The following SAP18 variants were observed in gnomAD, a reference collection of about 807,000 sequenced individuals.
SAP18 encodes histone deacetylase complex subunit SAP18.
In SAP18, 4 loss-of-function variants were observed where a neutral mutation model predicts 18.6. That is an observed-to-expected ratio of 0.21 (90% CI 0.11 to 0.49). The LOEUF is 0.49. Ranked by LOEUF, SAP18 falls within the 20% of genes least tolerant of loss-of-function variation. The pLI, the probability that SAP18 is intolerant of heterozygous loss-of-function variation, is 0.98. For synonymous variants in SAP18, 112 were observed against 82.8 expected, an observed-to-expected ratio of 1.35 and a Z score of -1.92; for missense variants, 170 against 226.4, an observed-to-expected ratio of 0.75 and a Z score of 1.60.
intron 2 of SAP18, 109 bp from the exon 3 acceptor site, chr13:21,146,696 A>G (rs1318524346): frequency 1.2e-6 from 1 of 859,484 alleles, no homozygotes. Flanking sequence ...GGCAGTTTCT[A>G]ATGTAAATCA....
intron 2 of SAP18, among the ~76,000 whole-genome samples, chr13:21,141,928 A>T (rs1449653442): frequency 6.6e-6 from 1 of 151,214 alleles, no homozygotes; most frequent in Non-Finnish European, 1.5e-5. Context: ...CAGCCTCCCA[A>T]AGTGCTGGGA....
Position 21,140,574 on chromosome 13 carries a change from G to A in SAP18, c.22G>A (p.Gly8Ser), listed in dbSNP as rs751622316. 8.7e-6 allele frequency: 14 copies of A among 1,603,702 alleles called. No homozygotes were observed. Among genetic ancestry groups the A allele is most frequent in the East Asian group, 4.5e-5 (2 of 44,134 alleles). The change falls in exon 1 of 4, where the codon GGT becomes AGT. Residue 8 changes from glycine (G) to serine (S), a missense_variant. Transcript: ENST00000621421. ...GCTCATGCTCGCTGCAGGGGTCGGA[G>A]GTCAGGGCGAGCGTCTCGCAGGCCG...
chr13:21,140,536 C>T (rs1313788363), exon 1 of SAP18: 40 of 1,569,510 alleles, frequency 2.5e-5, no homozygotes, highest in Non-Finnish European at 2.2e-5. Flanking sequence ...CTTCTCCTCG[C>T]GAGAGACTTA....
At position 21,146,930 on chromosome 13, in the gene SAP18, A is replaced by T. The variant is rs751229115; in HGVS notation, c.362+3A>T. 3.7e-6 allele frequency: 6 copies of T among 1,602,412 alleles called. No homozygotes were observed. The South Asian group carries it at 6.7e-5, about 18-fold the overall frequency. On this transcript the variant is annotated splice_donor_region_variant and intron_variant, in intron 3 of 3. Transcript: ENST00000621421. ...GATGTTAAAAGACCTGGCTATCGGT[A>T]GGTAACTTCTCATTTTTAAGTCCTG... is the stretch of plus-strand genomic sequence containing the variant.
At chr13:21,141,866 C>T (rs1414325522) in intron 2 of SAP18, among the ~76,000 whole-genome samples, 1 of 151,576 alleles carries the variant, frequency 6.6e-6, no homozygotes, top group Non-Finnish European at 1.5e-5. Flanking sequence ...GGGGTTTCAC[C>T]GTATTGACCA....
At chr13:21,143,310 A>G (rs1869535019) in intron 2 of SAP18, among the ~76,000 whole-genome samples, 1 of 152,184 alleles carries the variant, frequency 6.6e-6, no homozygotes, top group Non-Finnish European at 1.5e-5. Context: ...CAGCTGCACT[A>G]TTTTATATTC....
chr13:21,140,625 C>A (rs777404407), exon 1 of SAP18: 1 of 1,612,474 alleles, frequency 6.2e-7, no homozygotes, highest in Non-Finnish European at 8.5e-7. Context: ...GGTGGAGTCG[C>A]GCGTTACCCA....
At chr13:21,146,145 G>A (rs981943231) in intron 2 of SAP18, among the ~76,000 whole-genome samples, 8 of 152,244 alleles carry the variant, frequency 5.3e-5, no homozygotes, top group African/African-American at 1.4e-4. Context: ...TCAGGAGTTC[G>A]AGACCAGCAT....
At chr13:21,143,247 G>A (rs890016225) in intron 2 of SAP18, among the ~76,000 whole-genome samples, 1 of 152,140 alleles carries the variant, frequency 6.6e-6, no homozygotes, top group African/African-American at 2.4e-5. Flanking sequence ...GGGATTACTG[G>A]GTCATATGTT....
chr13:21,141,238 A>G (rs1002673382), intron 2 of SAP18: 26 of 551,410 alleles, frequency 4.7e-5, no homozygotes, highest in African/African-American at 4.2e-4. Flanking sequence ...CAGACCCAAG[A>G]TTGCTGTCAC....
At chr13:21,141,018 A>T (rs377680306) in intron 2 of SAP18, 23 bp downstream of exon 2, 8 of 1,502,558 alleles carry the variant, frequency 5.3e-6, no homozygotes, top group Non-Finnish European at 7.4e-6. Context: ...GGGTGGCCTC[A>T]GGGACCCGGG....
chr13:21,140,948 G>A, exon 2 of SAP18: 1 of 1,613,892 alleles, frequency 6.2e-7, no homozygotes. Context: ...GAATGGACGA[G>A]TTCTCCCGGG....
intron 2 of SAP18, chr13:21,141,588 C>T (rs2137335282): frequency 6.4e-6 from 1 of 155,914 alleles, no homozygotes; most frequent in Middle Eastern, 3.4e-3. Context: ...TTTAGCGCTG[C>T]ACATAACTCC....
exon 4 of SAP18, chr13:21,148,899 T>TTA (rs1869749608): frequency 6.6e-6 from 1 of 152,210 alleles, no homozygotes; most frequent in Non-Finnish European, 1.5e-5. Flanking sequence ...AATTTCTCCT[T>TTA]TAAAGATTTC....
At chr13:21,141,033 G>C in intron 2 of SAP18, 38 bp downstream of exon 2, 1 of 1,289,332 alleles carries the variant, frequency 7.8e-7, no homozygotes, top group Non-Finnish European at 1.1e-6. Context: ...CCCGGGCCGG[G>C]AACCTGGAAC....
At chr13:21,142,930 C>G (rs953031209) in intron 2 of SAP18, among the ~76,000 whole-genome samples, 3 of 152,166 alleles carry the variant, frequency 2.0e-5, no homozygotes, top group African/African-American at 7.2e-5. Context: ...CTGGTAGCCT[C>G]TAATGTATTA....
chr13:21,148,782 T>C (rs1168333317), exon 4 of SAP18: 1 of 152,204 alleles, frequency 6.6e-6, no homozygotes, highest in Non-Finnish European at 1.5e-5. Flanking sequence ...GGGAACCCTA[T>C]GATTTACTAT....
intron 2 of SAP18, among the ~76,000 whole-genome samples, chr13:21,142,248 C>G (rs1431688651): frequency 6.6e-6 from 1 of 150,624 alleles, no homozygotes; most frequent in Non-Finnish European, 1.5e-5. Context: ...GATTGTGCCA[C>G]TGTACTCCAG....
chr13:21,142,401 A>C lies in SAP18; in HGVS notation c.239+1406A>C, dbSNP rs185060785. On this transcript the variant is annotated intron_variant, in intron 2 of 3. Transcript: ENST00000621421. ...GAGTGCAGTGGCGTGATCTCAGCTC[A>C]CTGCAACCTCTGCCTCCCAGGTTCA... Among the ~76,000 whole-genome samples the C allele has an allele frequency of 2.8e-3, 431 of 151,512 alleles. 1 individual carries two copies. Among genetic ancestry groups the C allele is most frequent in the African/African-American group, 0.01 (416 of 41,368 alleles).
Sources: allele counts gnomAD v4.1 joint callset (sites outside exome capture counted in the v4.1 genomes callset), GRCh38; gene constraint gnomAD v4.1.1; transcripts MANE v1.5; gene names NCBI Gene and HGNC (gene_info 2026-07-23, HGNC 2026-07-21).